The following DSCAM variants were observed in gnomAD, a reference collection of about 807,000 sequenced individuals.
DSCAM encodes the protein cell adhesion molecule DSCAM.
A neutral mutation model predicts 217.7 loss-of-function variants in DSCAM; 47 were observed. That is an observed-to-expected ratio of 0.22 (90% CI 0.17 to 0.28). The LOEUF (loss-of-function observed/expected upper bound fraction) is 0.28. Ranked by LOEUF, DSCAM falls within the 10% of genes least tolerant of loss-of-function variation. The probability of loss-of-function intolerance (pLI) is 1.00; values close to 1 mark genes in which losing one functional copy is unlikely to be tolerated. For synonymous variants in DSCAM, 1,056 were observed against 1,015.3 expected (o/e 1.04, Z -0.76); for missense variants, 2,080 against 2,618.3 (o/e 0.79, Z 4.49).
At chr21:40,384,251 G>GGATGGTTAAAACAGA (rs1569097496) in intron 3 of DSCAM, 1 of 152,430 alleles carries the variant, frequency 6.6e-6, no homozygotes, top group Admixed American at 6.5e-5. Flanking sequence ...GGTGAAATCG[G>GGATGGTTAAAACAGA]GATGGTTAAA....
chr21:40,833,119 G>A (rs2092025353), intron 1 of DSCAM, among the ~76,000 whole-genome samples: 1 of 152,088 alleles, frequency 6.6e-6, no homozygotes, highest in Non-Finnish European at 1.5e-5. Flanking sequence ...AGAAGGGAAA[G>A]GAAGGCAAAC....
intron 8 of DSCAM, among the ~76,000 whole-genome samples, chr21:40,327,307 T>G (rs1170628936): frequency 6.6e-6 from 1 of 152,176 alleles, no homozygotes. Flanking sequence ...AAGTTTCCCA[T>G]GTTCAGCAAG....
intron 1 of DSCAM, among the ~76,000 whole-genome samples, chr21:40,709,730 A>G (rs2090757480): frequency 6.6e-6 from 1 of 152,154 alleles, no homozygotes. Context: ...TTCTTTATCC[A>G]GTCTATCATT....
chr21:40,063,106 A>T (rs928247156), intron 27 of DSCAM, among the ~76,000 whole-genome samples: 1 of 152,224 alleles, frequency 6.6e-6, no homozygotes, highest in African/African-American at 2.4e-5. Flanking sequence ...AATTACAAAA[A>T]TATCAACATA....
chr21:40,192,620 A>C (rs55968327), intron 11 of DSCAM, among the ~76,000 whole-genome samples: 19,392 of 152,168 alleles, frequency 0.13, 3,447 homozygotes, highest in African/African-American at 0.4. Context: ...CTAACACAAT[A>C]CCCGTATTAC....
chr21:40,580,711 G>C (rs181690118), intron 3 of DSCAM, among the ~76,000 whole-genome samples: 229 of 152,288 alleles, frequency 1.5e-3, no homozygotes, highest in Non-Finnish European at 2.2e-3. Flanking sequence ...AAAGGCGGGT[G>C]GGCTGGAAGA....
intron 1 of DSCAM, among the ~76,000 whole-genome samples, chr21:40,718,267 C>T (rs2090864721): frequency 6.6e-6 from 1 of 152,150 alleles, no homozygotes; most frequent in Admixed American, 6.5e-5. Context: ...GTCCAAGACC[C>T]TAGAGACATA....
intron 9 of DSCAM, among the ~76,000 whole-genome samples, chr21:40,308,082 A>T (rs188932474): frequency 6.6e-6 from 1 of 152,280 alleles, no homozygotes; most frequent in Non-Finnish European, 1.5e-5. Flanking sequence ...TTAAAGAATA[A>T]TAATAAAATA....
chr21:40,081,051 C>T (rs2089448394), intron 24 of DSCAM, among the ~76,000 whole-genome samples: 2 of 152,192 alleles, frequency 1.3e-5, no homozygotes, highest in Non-Finnish European at 2.9e-5. Context: ...GACTCTCCCA[C>T]AGAACACGTG....
intron 4 of DSCAM, among the ~76,000 whole-genome samples, chr21:40,362,169 T>C (rs897102357): frequency 6.6e-6 from 1 of 152,176 alleles, no homozygotes; most frequent in African/African-American, 2.4e-5. Context: ...ATCCAGTCTA[T>C]CATTGTTGGA....
chr21:40,810,973 C>T (rs1004401331), intron 1 of DSCAM, among the ~76,000 whole-genome samples: 1 of 152,148 alleles, frequency 6.6e-6, no homozygotes, highest in Non-Finnish European at 1.5e-5. Context: ...CAATGAGAGG[C>T]TACACCATGA....
intron 1 of DSCAM, among the ~76,000 whole-genome samples, chr21:40,797,082 C>T (rs550871318): frequency 2.6e-5 from 4 of 152,154 alleles, no homozygotes; most frequent in Non-Finnish European, 5.9e-5. Flanking sequence ...ATAGCATGTT[C>T]ATTGAACAAA....
At chr21:40,396,929 T>G (rs1219142465) in intron 3 of DSCAM, among the ~76,000 whole-genome samples, 1 of 152,110 alleles carries the variant, frequency 6.6e-6, no homozygotes, top group Non-Finnish European at 1.5e-5. Flanking sequence ...GAACTGAAAC[T>G]TCCCAGATCA....
chr21:40,114,964 T>C (rs576906481), intron 20 of DSCAM, among the ~76,000 whole-genome samples: 1 of 152,330 alleles, frequency 6.6e-6, no homozygotes, highest in Admixed American at 6.5e-5. Context: ...ACACTGTTGG[T>C]GGGACTGTAA....
chr21:40,199,037 G>A (rs758369528), intron 11 of DSCAM, among the ~76,000 whole-genome samples: 1 of 152,098 alleles, frequency 6.6e-6, no homozygotes, highest in Non-Finnish European at 1.5e-5. Flanking sequence ...GAAGAGCTGA[G>A]GAGAGGGCAG....
At chr21:40,253,247 A>C (rs775076737) in intron 11 of DSCAM, among the ~76,000 whole-genome samples, 1 of 152,098 alleles carries the variant, frequency 6.6e-6, no homozygotes, top group Non-Finnish European at 1.5e-5. Context: ...GGAGGATGTT[A>C]TTTACCTCTT....
intron 32 of DSCAM, among the ~76,000 whole-genome samples, chr21:40,037,703 T>C (rs901382345): frequency 4.7e-5 from 7 of 148,230 alleles, no homozygotes; most frequent in African/African-American, 1.8e-4. Flanking sequence ...GAGCCCGCAT[T>C]GCCAAGGCAA....
At chr21:40,452,275 CTGG>C (rs1394669081) in intron 3 of DSCAM, among the ~76,000 whole-genome samples, 321 of 149,280 alleles carry the variant, frequency 2.2e-3, no homozygotes, top group Middle Eastern at 6.9e-3. Context: ...CACAGGTATC[CTGG>C]AGGTATCCTG....
intron 10 of DSCAM, among the ~76,000 whole-genome samples, chr21:40,278,610 T>C (rs761506068): frequency 2.0e-5 from 3 of 152,008 alleles, no homozygotes; most frequent in Non-Finnish European, 4.4e-5. Context: ...GTCATGCCTG[T>C]AGTCTTAGCT....
Sources: allele counts gnomAD v4.1 joint callset (sites outside exome capture counted in the v4.1 genomes callset), GRCh38; gene constraint gnomAD v4.1.1; transcripts MANE v1.5; gene names NCBI Gene and HGNC (gene_info 2026-07-23, HGNC 2026-07-21).